The following RIMS2 variants were observed in gnomAD, a reference collection of about 807,000 sequenced individuals.
RIMS2 encodes the protein regulating synaptic membrane exocytosis protein 2.
In RIMS2, 59 loss-of-function variants were observed where a neutral mutation model predicts 174.4. The observed-to-expected ratio is 0.34, with a 90% CI of 0.27 to 0.42. The LOEUF (loss-of-function observed/expected upper bound fraction) is 0.42. Ranked by LOEUF, RIMS2 falls within the 10% of genes least tolerant of loss-of-function variation. The pLI is 1.00. For missense variants in RIMS2, 1,620 were observed against 1,666.3 expected, an observed-to-expected ratio of 0.97 and a Z score of 0.48; for synonymous variants, 606 against 572.5, an observed-to-expected ratio of 1.06 and a Z score of -0.84.
chr8:103,831,804 T>TG (rs2098827643), intron 3 of RIMS2, among the ~76,000 whole-genome samples: 1 of 152,162 alleles, frequency 6.6e-6, no homozygotes, highest in South Asian at 2.1e-4. Context: ...TTTGCTGAAA[T>TG]GGAAAACCCA....
At chr8:104,212,053 A>G (rs149455999) in intron 19 of RIMS2, among the ~76,000 whole-genome samples, 3 of 152,300 alleles carry the variant, frequency 2.0e-5, no homozygotes, top group Non-Finnish European at 4.4e-5. Flanking sequence ...TGCTGATGTC[A>G]TTTATTTAGA....
At chr8:104,249,701 G>T in intron 22 of RIMS2, 113 bp downstream of exon 28, 1 of 634,082 alleles carries the variant, frequency 1.6e-6, no homozygotes, top group Non-Finnish European at 2.8e-6. Context: ...ACTAATGGAT[G>T]GTCCATTATG....
chr8:103,769,540 G>A (rs1337603376), intron 3 of RIMS2, among the ~76,000 whole-genome samples: 2 of 152,134 alleles, frequency 1.3e-5, no homozygotes, highest in Non-Finnish European at 2.9e-5. Context: ...TGGCCAGGCT[G>A]GTCTCATATT....
intron 19 of RIMS2, among the ~76,000 whole-genome samples, chr8:104,120,885 A>G (rs902956420): frequency 6.6e-5 from 10 of 152,136 alleles, no homozygotes; most frequent in Admixed American, 6.6e-4. Flanking sequence ...CTAGTCACCA[A>G]TCCTGAAAGA....
At chr8:103,973,171 A>G (rs1261629514) in intron 15 of RIMS2, among the ~76,000 whole-genome samples, 1 of 152,236 alleles carries the variant, frequency 6.6e-6, no homozygotes, top group African/African-American at 2.4e-5. Flanking sequence ...TCAGAGCAGA[A>G]TGTACTATTG....
chr8:103,563,858 G>A (rs1385823112), intron 1 of RIMS2, among the ~76,000 whole-genome samples: 1 of 152,154 alleles, frequency 6.6e-6, no homozygotes, highest in African/African-American at 2.4e-5. Flanking sequence ...CGTGGATGGT[G>A]GCAGGCAAAG....
At chr8:104,106,024 G>C (rs2098046739) in intron 19 of RIMS2, among the ~76,000 whole-genome samples, 1 of 83,482 alleles carries the variant, frequency 1.2e-5, no homozygotes, top group Non-Finnish European at 2.1e-5. Context: ...GGGTGACAGA[G>C]AAGACTCTGC....
chr8:104,035,835 A>G (rs1036035626), intron 19 of RIMS2, among the ~76,000 whole-genome samples: 1 of 152,138 alleles, frequency 6.6e-6, no homozygotes, highest in Non-Finnish European at 1.5e-5. Context: ...TTGTTGTAAA[A>G]TAAACATATT....
chr8:103,536,144 C>G (rs1433022095), intron 1 of RIMS2, among the ~76,000 whole-genome samples: 1 of 152,092 alleles, frequency 6.6e-6, no homozygotes, highest in Non-Finnish European at 1.5e-5. Context: ...GACTTATTTT[C>G]TGGGAATGGA....
intron 4 of RIMS2, among the ~76,000 whole-genome samples, chr8:103,909,369 TG>T (rs956979416): frequency 1.3e-5 from 2 of 152,040 alleles, no homozygotes; most frequent in African/African-American, 4.8e-5. Context: ...GTTTGGGAAA[TG>T]GTGGATATAC....
chr8:104,042,404 T>G (rs756813946), intron 19 of RIMS2, among the ~76,000 whole-genome samples: 25 of 151,598 alleles, frequency 1.6e-4, no homozygotes, highest in Non-Finnish European at 2.7e-4. Flanking sequence ...GAAAGATTAC[T>G]TTGGCAGTTA....
chr8:103,707,907 C>A (rs1383221465), intron 2 of RIMS2, among the ~76,000 whole-genome samples: 1 of 152,186 alleles, frequency 6.6e-6, no homozygotes, highest in African/African-American at 2.4e-5. Context: ...CCATCCAGAA[C>A]CAATGGCCAA....
intron 3 of RIMS2, among the ~76,000 whole-genome samples, chr8:103,774,612 T>G (rs1032063372): frequency 1.3e-5 from 2 of 151,840 alleles, no homozygotes; most frequent in African/African-American, 4.8e-5. Context: ...AATTCAATTT[T>G]TATCCACAGA....
At chr8:104,069,530 G>A (rs569128812) in intron 19 of RIMS2, among the ~76,000 whole-genome samples, 2 of 137,876 alleles carry the variant, frequency 1.5e-5, no homozygotes, top group East Asian at 2.1e-4. Flanking sequence ...GTGCAGTGGT[G>A]CAATCTTGGC....
chr8:104,243,465 TGACAA>T (rs1292498075), intron 19 of RIMS2, among the ~76,000 whole-genome samples: 7 of 152,102 alleles, frequency 4.6e-5, no homozygotes, highest in African/African-American at 1.4e-4. Context: ...GGCGGGCAAA[TGACAA>T]GGTCAGGAGT....
intron 5 of RIMS2, chr8:103,910,498 C>CA (rs1164505844): frequency 6.3e-7 from 1 of 1,596,496 alleles, no homozygotes; most frequent in East Asian, 2.2e-5. Context: ...AGTAGCACAA[C>CA]CCTTAACGAG....
intron 17 of RIMS2, among the ~76,000 whole-genome samples, chr8:103,997,793 C>A (rs966051925): frequency 4.0e-5 from 6 of 151,140 alleles, no homozygotes; most frequent in African/African-American, 1.2e-4. Context: ...TTAAATTTCC[C>A]AACTTTTATA....
intron 2 of RIMS2, among the ~76,000 whole-genome samples, chr8:103,760,433 A>G (rs1424147565): frequency 6.6e-6 from 1 of 152,254 alleles, no homozygotes; most frequent in Non-Finnish European, 1.5e-5. Flanking sequence ...CCTATTAGAA[A>G]ATGTTAACCT....
intron 2 of RIMS2, among the ~76,000 whole-genome samples, chr8:103,758,350 T>G (rs577720775): frequency 1.7e-4 from 26 of 152,312 alleles, no homozygotes; most frequent in African/African-American, 5.8e-4. Context: ...TTAGTGATAT[T>G]TTACATTAGT....
Sources: allele counts gnomAD v4.1 joint callset (sites outside exome capture counted in the v4.1 genomes callset), GRCh38; gene constraint gnomAD v4.1.1; transcripts MANE v1.5; gene names NCBI Gene and HGNC (gene_info 2026-07-23, HGNC 2026-07-21).